The following ZNF592 variants were observed in gnomAD, a reference collection of about 807,000 sequenced individuals.
ZNF592 encodes zinc finger protein 592, also known as spinocerebellar ataxia, autosomal recessive 5.
A neutral mutation model predicts 80.3 loss-of-function variants in ZNF592; 11 were observed. That is an observed-to-expected ratio of 0.14 (90% CI 0.09 to 0.23). ZNF592 has a LOEUF of 0.23. Ranked by LOEUF, ZNF592 falls within the 10% of genes least tolerant of loss-of-function variation. ZNF592 has a pLI of 1.00. For missense variants in ZNF592, 1,420 were observed against 1,633.9 expected (o/e 0.87, Z 2.26); for synonymous variants, 646 against 640.3 (o/e 1.01, Z -0.13).
Position 84,790,604 on chromosome 15 carries a change from G to T in ZNF592, c.2221-101G>T, listed in dbSNP as rs189893301. On this transcript the variant is annotated intron_variant, in intron 4 of 10. Transcript: ENST00000560079. Reference sequence around the variant, plus strand: ...TGGAAGAGAGAGTGGTTGGGGGAAGGGGTTATTCTGACCCATGTACTAGCA... The same window carrying T: ...TGGAAGAGAGAGTGGTTGGGGGAAGTGGTTATTCTGACCCATGTACTAGCA... 5 of 1,175,270 alleles carry T rather than the reference G, an allele frequency of 4.3e-6. No homozygotes were observed. In the African/African-American group the frequency reaches 6.0e-5, roughly 14 times the overall value. 72.8% of individuals were successfully genotyped at this position (1,175,270 alleles called of 1,614,324 possible). A position where few individuals can be genotyped will look rare whatever the true frequency, so the allele number is the denominator to read the frequency against.
At chr15:84,750,174 A>T (rs1898974963) in intron 1 of ZNF592, among the ~76,000 whole-genome samples, 2 of 152,200 alleles carry the variant, frequency 1.3e-5, no homozygotes, top group African/African-American at 2.4e-5. Context: ...GTGGTGGTGC[A>T]TGCCTGTAAT....
chr15:84,755,779 A>G (rs1318904320), intron 1 of ZNF592, among the ~76,000 whole-genome samples: 4 of 152,194 alleles, frequency 2.6e-5, no homozygotes, highest in Admixed American at 6.5e-5. Context: ...CTATGTCCCT[A>G]TAGAGATGTA....
intron 1 of ZNF592, among the ~76,000 whole-genome samples, chr15:84,749,210 G>C (rs1173721374): frequency 6.6e-6 from 1 of 152,198 alleles, no homozygotes; most frequent in Non-Finnish European, 1.5e-5. Flanking sequence ...GGTATTCCTA[G>C]AGCTCCAGAG....
At position 84,784,666 on chromosome 15, in the gene ZNF592, C is replaced by T. The variant is rs1467564915; in HGVS notation, c.1991C>T (p.Ser664Leu). Reference sequence around the variant, plus strand: ...ATCTCTGCGGACCAAATGTTCGTGTCGGCCCCTGTGAACTCCACGGCACCA... The same window carrying T: ...ATCTCTGCGGACCAAATGTTCGTGTTGGCCCCTGTGAACTCCACGGCACCA... ...KPISADQMFV[S>L]APVNSTAPAA... is the part of the protein sequence containing the mutation. The change falls in exon 4 of 11, where the codon TCG (serine) becomes TTG (leucine). Residue 664 changes from serine (S) to leucine (L), a missense_variant. This residue lies in a region of ZNF592 where 524 missense variants were observed against 628.3 expected (regional missense o/e 0.83). Coordinates refer to ENST00000560079, the MANE Select transcript of ZNF592 (RefSeq NM_014630.3). The surrounding 1 kb of genome is among the most constrained non-coding windows in gnomAD (Gnocchi z 5.8). The T allele has an allele frequency of 2.2e-5, 36 of 1,613,998 alleles. No individual in the cohort carries two copies. Among genetic ancestry groups the T allele is most frequent in the Admixed American group, 5.0e-5 (3 of 60,002 alleles).
intron 5 of ZNF592, among the ~76,000 whole-genome samples, chr15:84,793,011 A>C (rs575114609): frequency 1.3e-5 from 2 of 152,232 alleles, no homozygotes; most frequent in Non-Finnish European, 2.9e-5. Context: ...TCTAAGATCA[A>C]ATCCAATCCA....
chr15:84,787,600 C>T (rs1248646014), intron 4 of ZNF592, among the ~76,000 whole-genome samples: 1 of 152,164 alleles, frequency 6.6e-6, no homozygotes, highest in Non-Finnish European at 1.5e-5. Context: ...ATGGAGCATG[C>T]CTCCCTCTGC....
intron 3 of ZNF592, among the ~76,000 whole-genome samples, chr15:84,781,072 G>A (rs1962407028): frequency 6.6e-6 from 1 of 151,728 alleles, no homozygotes; most frequent in African/African-American, 2.4e-5. Flanking sequence ...TTTTGAGATG[G>A]AGTTGCTCAC....
intron 2 of ZNF592, among the ~76,000 whole-genome samples, chr15:84,767,030 C>T (rs541283171): frequency 2.0e-5 from 3 of 151,980 alleles, no homozygotes; most frequent in African/African-American, 4.8e-5. Context: ...AGTCTCATTC[C>T]GTAGCCCAAG....
intron 4 of ZNF592, among the ~76,000 whole-genome samples, chr15:84,788,867 C>T (rs1260351139): frequency 6.6e-6 from 1 of 152,024 alleles, no homozygotes; most frequent in Non-Finnish European, 1.5e-5. Context: ...CTGGCTTTTC[C>T]ATTTAGCATG....
rs775124674 is a variant in ZNF592, at chr15:84,798,860, A to C, written c.3009A>C (p.Lys1003Asn). 6.3e-7 allele frequency: 1 copy of C among 1,598,624 alleles called. No homozygotes were observed. Among genetic ancestry groups the C allele is most frequent in the South Asian group, 1.1e-5 (1 of 90,946 alleles). The change falls in exon 8 of 11, where the codon AAA becomes AAC. Residue 1003 changes from lysine to asparagine, a missense_variant. This residue lies in a region of ZNF592 where 331 missense variants were observed against 347.0 expected (regional missense o/e 0.95). Transcript: ENST00000560079. The surrounding 1 kb of genome is among the most constrained non-coding windows in gnomAD (Gnocchi z 4.5). ...GGGAGAGCTACGTGTCCCACATGAAAAAGAGCCACGGTCGGGTAAGTGCAG... is the reference window on the plus strand; with the variant it reads ...GGGAGAGCTACGTGTCCCACATGAACAAGAGCCACGGTCGGGTAAGTGCAG... ...PDRESYVSHM[K>N]KSHGRTLKRY...
At chr15:84,796,672 G>C (rs1434959319) in intron 5 of ZNF592, among the ~76,000 whole-genome samples, 1 of 151,728 alleles carries the variant, frequency 6.6e-6, no homozygotes, top group Non-Finnish European at 1.5e-5. Flanking sequence ...TCAGAAAAAT[G>C]GTTTAAGACA....
At chr15:84,777,708 T>TTC (rs1428526330) in intron 2 of ZNF592, among the ~76,000 whole-genome samples, 1 of 142,460 alleles carries the variant, frequency 7.0e-6, no homozygotes, top group African/African-American at 2.6e-5. Flanking sequence ...TTTTTTTTTT[T>TTC]TTTTTTTTTG....
intron 1 of ZNF592, among the ~76,000 whole-genome samples, chr15:84,755,289 T>A (rs943517839): frequency 8.6e-5 from 13 of 151,668 alleles, no homozygotes. Context: ...TTTAAAGAAG[T>A]TTTTTTTAAT....
At position 84,805,048 on chromosome 15, in the gene ZNF592, G is replaced by A. The variant is rs1963203242; in HGVS notation, c.*2655G>A. The A allele has an allele frequency of 6.6e-6, 1 of 152,166 alleles. No homozygotes were observed. Among genetic ancestry groups the A allele is most frequent in the Non-Finnish European group, 1.5e-5 (1 of 68,050 alleles). 9.4% of individuals were successfully genotyped at this position (152,166 alleles called of 1,614,324 possible). On this transcript the variant is annotated 3_prime_UTR_variant, in exon 11 of 11. Transcript: ENST00000560079. The stretch of plus-strand genomic sequence containing the variant: ...GCTGCCAGCTTGTCAGTGGTTTGCA[G>A]CCCCCCAGACATTTGCTTTCCTACT...
At position 84,784,957 on chromosome 15, in the gene ZNF592, G is replaced by A. The variant is rs998058174; in HGVS notation, c.2220+62G>A. ...TGGCTCACACAGGTTCCATGACTGG[G>A]CATGGAGAGGAAAGCTCATTGATAT... is the stretch of plus-strand genomic sequence containing the variant. On this transcript the variant is annotated intron_variant, in intron 4 of 10. Transcript: ENST00000560079. This position sits in a 1 kb window ranked among gnomAD's most constrained non-coding sequence, Gnocchi z 5.8. The A allele has an allele frequency of 1.5e-5, 23 of 1,566,826 alleles. No individual in the cohort carries two copies. Among genetic ancestry groups the A allele is most frequent in the Non-Finnish European group, 2.0e-5 (23 of 1,138,172 alleles).
intron 4 of ZNF592, 126 bp from the exon 5 acceptor site, chr15:84,790,579 T>C: frequency 1.1e-6 from 1 of 945,688 alleles, no homozygotes; most frequent in Non-Finnish European, 1.7e-6. Context: ...CCAGGAGAGT[T>C]GGAAGAGAGA....
At chr15:84,759,850 C>T (rs557412057) in intron 1 of ZNF592, among the ~76,000 whole-genome samples, 6 of 151,958 alleles carry the variant, frequency 3.9e-5, no homozygotes, top group Admixed American at 6.6e-5. Context: ...CCTTGGTGGT[C>T]CTGCTGGCTG....
intron 2 of ZNF592, among the ~76,000 whole-genome samples, chr15:84,771,116 G>A (rs1225907746): frequency 6.6e-6 from 1 of 152,120 alleles, no homozygotes; most frequent in African/African-American, 2.4e-5. Context: ...GGAGCCAGGT[G>A]TGTTAGGTCA....
Position 84,805,972 on chromosome 15 carries a change from A to G in ZNF592, c.*3579A>G, listed in dbSNP as rs773990466. On this transcript the variant is annotated 3_prime_UTR_variant, in exon 11 of 11. Transcript: ENST00000560079. ...TTTTTAATACAAATAGTAGAATTCTATACACAGTGTTCTGAAGCTTGCTTT... is the reference window on the plus strand; with the variant it reads ...TTTTTAATACAAATAGTAGAATTCTGTACACAGTGTTCTGAAGCTTGCTTT... The G allele has an allele frequency of 4.6e-5, 7 of 152,636 alleles. No individual in the cohort carries two copies. The highest frequency in any genetic ancestry group is 2.1e-4 in the South Asian group (1 of 4,838). 9.5% of individuals were successfully genotyped at this position (152,636 alleles called of 1,614,324 possible).
Sources: gnomAD v4.1 joint callset for allele counts (sites outside exome capture counted in the v4.1 genomes callset) on GRCh38, gnomAD v4.1.1 for gene constraint, gnomAD v4.1.1 regional missense constraint, Gnocchi (gnomAD v3.1) non-coding constraint, MANE v1.5 for transcripts, NCBI Gene and HGNC (gene_info 2026-07-23, HGNC 2026-07-21) for gene names.